Variants in ADGRL2 observed in about 807,000 individuals in gnomAD.
The protein encoded by ADGRL2 is adhesion G protein-coupled receptor L2.
ADGRL2 carries 44 observed loss-of-function variants against 157.4 expected under a neutral mutation model. The ratio of observed to expected loss-of-function variants is 0.28; its 90% CI spans 0.22 to 0.36. The LOEUF (loss-of-function observed/expected upper bound fraction) is 0.36, where lower values mean the gene tolerates loss of function less well. ADGRL2 is among the 10% of genes least tolerant of loss of function. The pLI, the probability that ADGRL2 is intolerant of heterozygous loss-of-function variation, is 1.00. For missense variants in ADGRL2, 1,510 were observed against 1,768.9 expected, an observed-to-expected ratio of 0.85 and a Z score of 2.63; for synonymous variants, 585 against 624.7, an observed-to-expected ratio of 0.94 and a Z score of 0.95.
chr1:81,978,750 G>T (rs766236369), intron 17 of ADGRL2, among the ~76,000 whole-genome samples: 2 of 151,740 alleles, frequency 1.3e-5, no homozygotes, highest in Non-Finnish European at 3.0e-5. Flanking sequence ...ATTTGATCAT[G>T]TGATATTGTG....
At chr1:81,722,457 G>C (rs1487354526) in intron 1 of ADGRL2, 1 of 1,409,502 alleles carries the variant, frequency 7.1e-7, no homozygotes, top group Non-Finnish European at 9.9e-7. Context: ...TATGCCAAGA[G>C]GGCCAGCGTT....
At chr1:81,510,419 T>G (rs2148078590) in intron 2 of ADGRL2, among the ~76,000 whole-genome samples, 1 of 152,244 alleles carries the variant, frequency 6.6e-6, no homozygotes, top group East Asian at 1.9e-4. Flanking sequence ...ACAAAATTCC[T>G]TATTAGAACC....
intron 2 of ADGRL2, among the ~76,000 whole-genome samples, chr1:81,787,591 G>T (rs969833230): frequency 6.6e-6 from 1 of 152,098 alleles, no homozygotes; most frequent in African/African-American, 2.4e-5. Flanking sequence ...GGAGGCGGAG[G>T]TTGCAGTGAG....
At chr1:81,333,391 T>C (rs1405581240) in intron 1 of ADGRL2, among the ~76,000 whole-genome samples, 1 of 147,288 alleles carries the variant, frequency 6.8e-6, no homozygotes, top group Non-Finnish European at 1.5e-5. Context: ...TCCTTGACTT[T>C]TTAATTAATT....
chr1:81,537,710 T>C (rs2079778308), intron 2 of ADGRL2, among the ~76,000 whole-genome samples: 1 of 152,080 alleles, frequency 6.6e-6, no homozygotes, highest in South Asian at 2.1e-4. Flanking sequence ...TTCTCTCTTT[T>C]TTTTTTTAGA....
intron 1 of ADGRL2, chr1:81,722,804 C>T: frequency 2.8e-6 from 2 of 721,286 alleles, no homozygotes. Context: ...AGACCACAGT[C>T]AGAAGCTCAC....
At chr1:81,642,745 T>C (rs35523151) in intron 3 of ADGRL2, among the ~76,000 whole-genome samples, 17,724 of 152,164 alleles carry the variant, frequency 0.12, 1,117 homozygotes, top group Middle Eastern at 0.16. Context: ...AGTTAGGATT[T>C]ATTCCAGGTA....
chr1:81,688,423 C>A (rs72716699), intron 3 of ADGRL2, among the ~76,000 whole-genome samples: 2,673 of 152,078 alleles, frequency 0.018, 32 homozygotes, highest in South Asian at 0.054. Context: ...ACCTTGTCTT[C>A]GAACTCCAAA....
intron 2 of ADGRL2, among the ~76,000 whole-genome samples, chr1:81,547,862 C>T (rs576317504): frequency 1.2e-4 from 19 of 152,250 alleles, no homozygotes; most frequent in East Asian, 7.7e-4. Flanking sequence ...CTATCTCAAA[C>T]GATTTCAAAT....
At chr1:81,715,045 T>C (rs12728133) in intron 1 of ADGRL2, among the ~76,000 whole-genome samples, 24,150 of 151,960 alleles carry the variant, frequency 0.16, 2,024 homozygotes, top group South Asian at 0.23. Context: ...TTTTCTTTTT[T>C]ACTCCTCAGT....
intron 3 of ADGRL2, among the ~76,000 whole-genome samples, chr1:81,661,011 C>T (rs1038287312): frequency 3.5e-4 from 53 of 152,140 alleles, no homozygotes; most frequent in Admixed American, 1.3e-3. Context: ...GTCAGAAAGA[C>T]TTTCCTTTCC....
intron 2 of ADGRL2, among the ~76,000 whole-genome samples, chr1:81,793,258 C>T (rs1276526159): frequency 6.7e-6 from 1 of 148,798 alleles, no homozygotes; most frequent in Non-Finnish European, 1.5e-5. Context: ...ATCCAAGAAA[C>T]ATGCTCTAAC....
chr1:81,464,851 T>C (rs2078019834), intron 2 of ADGRL2, among the ~76,000 whole-genome samples: 1 of 150,476 alleles, frequency 6.6e-6, no homozygotes, highest in South Asian at 2.1e-4. Context: ...ATATCCGTGA[T>C]ATTCAAAGAC....
chr1:81,882,769 G>C (rs937940000), intron 2 of ADGRL2, among the ~76,000 whole-genome samples: 3 of 152,110 alleles, frequency 2.0e-5, no homozygotes, highest in African/African-American at 7.2e-5. Flanking sequence ...TTTTCTTGTG[G>C]AACCCTAGTT....
At chr1:81,751,350 T>A (rs1304576613) in intron 1 of ADGRL2, among the ~76,000 whole-genome samples, 1 of 152,196 alleles carries the variant, frequency 6.6e-6, no homozygotes, top group Non-Finnish European at 1.5e-5. Context: ...AGTATTCACA[T>A]CATGAGTAAT....
rs1405752472 is a variant in ADGRL2 at position 81,307,549 on chromosome 1, A to G, written c.-302+1040A>G. On this transcript the variant is annotated intron_variant, in intron 1 of 24. Coordinates refer to the ADGRL2 transcript ENST00000370721. ...GTACTCCTTATTAATATAATTTTGC[A>G]TTTATTACCTTATTTTTCTAAGAAG... 7.2e-5 allele frequency among the ~76,000 whole-genome samples: 11 copies of G among 152,138 alleles called. 1 individual carries two copies. The highest frequency in any genetic ancestry group is 2.9e-5 in the Non-Finnish European group (2 of 68,018).
chr1:81,687,524 A>C (rs1472094473), intron 3 of ADGRL2, among the ~76,000 whole-genome samples: 1 of 152,136 alleles, frequency 6.6e-6, no homozygotes, highest in South Asian at 2.1e-4. Flanking sequence ...CTTTAAGTTT[A>C]TGTAAGTCCT....
chr1:81,860,724 T>A (rs2093361599), intron 2 of ADGRL2, among the ~76,000 whole-genome samples: 2 of 152,218 alleles, frequency 1.3e-5, no homozygotes, highest in South Asian at 4.1e-4. Context: ...TCCCTTATCT[T>A]AAAAATTAAG....
intron 1 of ADGRL2, among the ~76,000 whole-genome samples, chr1:81,826,363 G>T (rs1571473172): frequency 6.6e-6 from 1 of 152,260 alleles, no homozygotes; most frequent in East Asian, 1.9e-4. Context: ...TGGAGTAGAG[G>T]CTTCTTTAAT....
Sources: allele counts gnomAD v4.1 joint callset (sites outside exome capture counted in the v4.1 genomes callset), GRCh38; gene constraint gnomAD v4.1.1; transcripts MANE v1.5; gene names NCBI Gene and HGNC (gene_info 2026-07-23, HGNC 2026-07-21).